The following MAMDC2 variants were observed in gnomAD, a reference collection of about 807,000 sequenced individuals.
The protein encoded by MAMDC2 is MAM domain containing 2.
MAMDC2 carries 57 observed loss-of-function variants against 89.8 expected under a neutral mutation model. The observed-to-expected ratio is 0.63, with a 90% CI of 0.51 to 0.79. The LOEUF (loss-of-function observed/expected upper bound fraction) is 0.79, where lower values mean the gene tolerates loss of function less well. MAMDC2 is among the 30% of genes least tolerant of loss of function. The probability of loss-of-function intolerance (pLI) is 0.00; values close to 1 mark genes in which losing one functional copy is unlikely to be tolerated. For missense variants in MAMDC2, 800 were observed against 820.6 expected, an observed-to-expected ratio of 0.97 and a Z score of 0.31; for synonymous variants, 313 against 293.4, an observed-to-expected ratio of 1.07 and a Z score of -0.68.
rs1419847485 is a variant in MAMDC2 at position 70,226,847 on chromosome 9, G to T, written c.*815G>T. 6.6e-6 allele frequency: 1 copy of T among 151,964 alleles called. No homozygotes were observed. The highest frequency in any genetic ancestry group is 1.5e-5 in the Non-Finnish European group (1 of 67,914). 9.4% of individuals were successfully genotyped at this position (151,964 alleles called of 1,614,324 possible). On this transcript the variant is annotated 3_prime_UTR_variant, in exon 14 of 14. Transcript: ENST00000377182. Reference sequence around the variant, plus strand: ...ATTTTGGTAAGATTTTGAATAATATGAATTCAGGCAGATATACTAAACTGC... The same window carrying T: ...ATTTTGGTAAGATTTTGAATAATATTAATTCAGGCAGATATACTAAACTGC...
chr9:70,062,839 A>G (rs1056021203), intron 2 of MAMDC2: 2 of 152,210 alleles, frequency 1.3e-5, no homozygotes, highest in Non-Finnish European at 2.9e-5. Context: ...AAAACTTAGC[A>G]GTTTTCAGCA....
intron 11 of MAMDC2, among the ~76,000 whole-genome samples, chr9:70,209,184 C>G (rs549756684): frequency 1.3e-5 from 2 of 152,004 alleles, no homozygotes; most frequent in Non-Finnish European, 2.9e-5. Context: ...TCTGTTGATT[C>G]GAATAGTTTC....
intron 5 of MAMDC2, among the ~76,000 whole-genome samples, chr9:70,119,662 T>C (rs1230919092): frequency 2.6e-5 from 4 of 152,190 alleles, no homozygotes; most frequent in Admixed American, 2.0e-4. Context: ...CTCATCTAGT[T>C]CAGATCTTCC....
intron 2 of MAMDC2, among the ~76,000 whole-genome samples, chr9:70,094,740 T>C (rs907627376): frequency 6.6e-6 from 1 of 152,196 alleles, no homozygotes; most frequent in Admixed American, 6.5e-5. Context: ...CAGGCAGATA[T>C]AGTGGGTACC....
At chr9:70,083,316 C>T (rs1384784209) in intron 2 of MAMDC2, 1 of 151,924 alleles carries the variant, frequency 6.6e-6, no homozygotes, top group Admixed American at 6.6e-5. Flanking sequence ...ATGGGATTCT[C>T]TCATTTTCAT....
At chr9:70,180,429 G>T (rs1199250906) in intron 11 of MAMDC2, among the ~76,000 whole-genome samples, 1 of 152,194 alleles carries the variant, frequency 6.6e-6, no homozygotes, top group Non-Finnish European at 1.5e-5. Context: ...GATCCTTGAA[G>T]AATTGCCACA....
At chr9:70,091,926 TCTTA>T (rs1360635135) in intron 2 of MAMDC2, among the ~76,000 whole-genome samples, 1 of 152,234 alleles carries the variant, frequency 6.6e-6, no homozygotes, top group Non-Finnish European at 1.5e-5. Context: ...CATTTATCTT[TCTTA>T]CTTAAGGAAG....
intron 2 of MAMDC2, among the ~76,000 whole-genome samples, chr9:70,075,643 G>A (rs189258665): frequency 1.4e-4 from 22 of 152,332 alleles, no homozygotes; most frequent in African/African-American, 3.1e-4. Context: ...GAGGGGGAAC[G>A]TGGCAATGTC....
intron 5 of MAMDC2, 135 bp from the exon 6 acceptor site, chr9:70,126,024 G>C: frequency 1.1e-6 from 1 of 951,638 alleles, no homozygotes; most frequent in Non-Finnish European, 1.6e-6. Flanking sequence ...ACCTCTGTCA[G>C]CTGTAACTCA....
At chr9:70,078,725 CT>C (rs1827591875) in intron 2 of MAMDC2, among the ~76,000 whole-genome samples, 1 of 152,110 alleles carries the variant, frequency 6.6e-6, no homozygotes, top group African/African-American at 2.4e-5. Context: ...TTGCTACCTC[CT>C]TTTAATATCT....
rs769802894 is a variant in MAMDC2, at chr9:70,218,401, G to A, written c.1716G>A (p.Arg572=). The part of the protein sequence containing the change: ...VYGQKARLLS[R]PLRGVSGKHC... ...GACAAAAAGCACGCCTCTTGTCCAG[G>A]CCTCTGCGAGGAGTCTCTGGAAAAC... The change falls in exon 12 of 14, where the codon AGG becomes AGA. Residue 572 remains arginine (R), a synonymous_variant. Coordinates refer to ENST00000377182, the MANE Select transcript of MAMDC2 (RefSeq NM_153267.5). The A allele has an allele frequency of 9.2e-5, 148 of 1,614,044 alleles. No homozygotes were observed. Among genetic ancestry groups the A allele is most frequent in the Middle Eastern group, 1.6e-4 (1 of 6,082 alleles).
In MAMDC2 at chr9:70,113,040, G is replaced by A. The variant is rs1283735600; in HGVS notation, c.551G>A (p.Trp184Ter). ...ENHLCGFVNR[W>*]NPNVNWFVGG... ...CATCTCTGTGGCTTTGTGAACCGCT[G>A]GAATCCCAATGTGAACTGGTTTGTT... Residue 184 changes from tryptophan (W) to a stop codon, truncating the protein, a stop_gained, in exon 5 of 14, where the codon TGG (tryptophan) becomes TAG (stop). Transcript: ENST00000377182. LOFTEE classifies it high-confidence loss of function. The A allele has an allele frequency of 5.0e-6, 8 of 1,614,128 alleles. No homozygotes were observed. Among genetic ancestry groups the A allele is most frequent in the Non-Finnish European group, 6.8e-6 (8 of 1,179,994 alleles).
At chr9:70,205,886 G>T (rs897240513) in intron 11 of MAMDC2, among the ~76,000 whole-genome samples, 1 of 152,170 alleles carries the variant, frequency 6.6e-6, no homozygotes, top group Non-Finnish European at 1.5e-5. Flanking sequence ...TGTCAAACAG[G>T]GCTTTTCTCT....
At chr9:70,116,438 T>C (rs1039278153) in intron 5 of MAMDC2, among the ~76,000 whole-genome samples, 7 of 152,160 alleles carry the variant, frequency 4.6e-5, no homozygotes, top group Admixed American at 2.6e-4. Context: ...GTCCAAATAC[T>C]TGTGCTCCAG....
intron 9 of MAMDC2, among the ~76,000 whole-genome samples, chr9:70,146,469 A>G (rs2031407107): frequency 6.6e-6 from 1 of 152,222 alleles, no homozygotes; most frequent in Non-Finnish European, 1.5e-5. Flanking sequence ...AGAGAGCAAA[A>G]GAACCATTTG....
chr9:70,184,566 G>A (rs1040244130), intron 11 of MAMDC2, among the ~76,000 whole-genome samples: 1 of 151,844 alleles, frequency 6.6e-6, no homozygotes, highest in African/African-American at 2.4e-5. Flanking sequence ...ATTTCTTGGA[G>A]GCTTTGATCA....
intron 2 of MAMDC2, among the ~76,000 whole-genome samples, chr9:70,063,449 C>T (rs1051622108): frequency 5.3e-5 from 8 of 152,080 alleles, no homozygotes; most frequent in African/African-American, 1.4e-4. Flanking sequence ...TGTGCGTGTC[C>T]TTGTTCATCT....
At chr9:70,164,541 ATAAAT>A (rs1267954140) in intron 9 of MAMDC2, among the ~76,000 whole-genome samples, 1 of 152,204 alleles carries the variant, frequency 6.6e-6, no homozygotes, top group African/African-American at 2.4e-5. Flanking sequence ...ATTGATTTAC[ATAAAT>A]TTAATTTGTC....
intron 6 of MAMDC2, among the ~76,000 whole-genome samples, chr9:70,130,008 C>CTGTGTGTGTGTGTGTGTG (rs71364580): frequency 6.8e-6 from 1 of 147,096 alleles, no homozygotes; most frequent in South Asian, 2.2e-4. Context: ...ACATGGCATT[C>CTGTGTGTGTGTGTGTGTG]TGTGTGTGTG....
Sources: gnomAD v4.1 joint callset for allele counts (sites outside exome capture counted in the v4.1 genomes callset) on GRCh38, gnomAD v4.1.1 for gene constraint, MANE v1.5 for transcripts, NCBI Gene and HGNC (gene_info 2026-07-23, HGNC 2026-07-21) for gene names.